Variants in CTSV observed in about 807,000 individuals in gnomAD.
CTSV encodes the protein cathepsin V, also known as cathepsin L2.
CTSV carries 33 observed loss-of-function variants against 35.6 expected under a neutral mutation model. The observed-to-expected ratio is 0.93, with a 90% CI of 0.70 to 1.24. The LOEUF is 1.24. CTSV is among the 50% of genes most tolerant of loss of function. The probability of loss-of-function intolerance (pLI) is 0.00; values close to 1 mark genes in which losing one functional copy is unlikely to be tolerated. For synonymous variants in CTSV, 154 were observed against 147.1 expected (o/e 1.05, Z -0.34); for missense variants, 408 against 413.1 (o/e 0.99, Z 0.11).
At position 97,032,907 on chromosome 9, in the gene CTSV, G is replaced by C; in HGVS notation, c.*42C>G. The C allele has an allele frequency of 6.9e-7, 1 of 1,446,122 alleles. No homozygotes were observed. Among genetic ancestry groups the C allele is most frequent in the Non-Finnish European group, 9.5e-7 (1 of 1,050,916 alleles). 89.6% of individuals were successfully genotyped at this position (1,446,122 alleles called of 1,614,324 possible). On this transcript the variant is annotated 3_prime_UTR_variant, in exon 8 of 8. Coordinates refer to ENST00000259470, the MANE Select transcript of CTSV (RefSeq NM_001333.4). ...TCAGTTTCAAGATAAAATTTCCCCA[G>C]ACATGCTGTCCTTAAGTCCTTCCTC...
chr9:97,036,801 T>C (rs1828860220), intron 4 of CTSV, 54 bp from the exon 5 acceptor site: 8 of 1,349,634 alleles, frequency 5.9e-6, no homozygotes, highest in Non-Finnish European at 8.1e-6. Flanking sequence ...ACAAATACAG[T>C]ACCCCATAAT....
intron 5 of CTSV, 148 bp downstream of exon 5, chr9:97,036,375 T>C (rs1828850348): frequency 2.8e-6 from 2 of 720,540 alleles, no homozygotes; most frequent in Non-Finnish European, 4.9e-6. Flanking sequence ...GGCCAAAGGC[T>C]AATAATTTAT....
At chr9:97,033,515 A>G (rs1828791404) in intron 7 of CTSV, among the ~76,000 whole-genome samples, 1 of 151,982 alleles carries the variant, frequency 6.6e-6, no homozygotes. Flanking sequence ...AGGCTGAGGC[A>G]GGAGAATCAT....
upstream of CTSV, chr9:97,039,405 T>A (rs1828919033): frequency 2.0e-5 from 3 of 152,332 alleles, no homozygotes. Context: ...ATCTACTGAC[T>A]ATCCCGACTT....
At chr9:97,034,867 G>A in intron 6 of CTSV, 24 bp from the exon 7 acceptor site, 1 of 1,587,216 alleles carries the variant, frequency 6.3e-7, no homozygotes, top group Non-Finnish European at 8.7e-7. Context: ...ATTAATGCTG[G>A]GGTGAGAAGC....
Position 97,037,405 on chromosome 9 carries a change from G to A in CTSV, c.250-7C>T. The stretch of plus-strand genomic sequence containing the variant: ...GCCTGAATTCTTCATTGGTCTTCAA[G>A]GAGAAGTAAATAAAATGTTAAAAGC... On this transcript the variant is annotated splice_polypyrimidine_tract_variant and splice_region_variant and intron_variant, in intron 3 of 7. Transcript: ENST00000259470. The A allele has an allele frequency of 2.5e-6, 4 of 1,613,946 alleles. No individual in the cohort carries two copies. The highest frequency in any genetic ancestry group is 3.4e-6 in the Non-Finnish European group (4 of 1,179,948).
At chr9:97,033,757 C>A (rs1302227616) in intron 7 of CTSV, among the ~76,000 whole-genome samples, 4 of 151,834 alleles carry the variant, frequency 2.6e-5, no homozygotes, top group Non-Finnish European at 5.9e-5. Flanking sequence ...GAGATTGCAC[C>A]ACTGCACTCT....
At position 97,038,030 on chromosome 9, in the gene CTSV, A is replaced by G; in HGVS notation, c.14T>C (p.Leu5Pro). ...TCCCAAGCAAAAGGCAGCCAGGACG[A>G]GCGAAAGATTCATGTTTCAAAACCT... is the stretch of plus-strand genomic sequence containing the variant. The part of the protein sequence containing the change: MNLS[L>P]VLAAFCLGIA... Residue 5 changes from leucine (L) to proline (P), a missense_variant, in exon 2 of 8, where the codon CTC (leucine) becomes CCC (proline). By Grantham distance (98) the Leu-to-Pro change is moderately conservative. Coordinates refer to ENST00000259470, the MANE Select transcript of CTSV (RefSeq NM_001333.4). 1 of 1,613,828 alleles carries G rather than the reference A, an allele frequency of 6.2e-7. No individual in the cohort carries two copies. Among genetic ancestry groups the G allele is most frequent in the Non-Finnish European group, 8.5e-7 (1 of 1,179,752 alleles).
At chr9:97,034,578 T>A (rs1828812742) in intron 7 of CTSV, 148 bp downstream of exon 7, 2 of 642,902 alleles carry the variant, frequency 3.1e-6, no homozygotes, top group African/African-American at 3.6e-5. Flanking sequence ...AAAAGCTTGG[T>A]ACGGAATCTT....
chr9:97,031,395 C>T lies in CTSV; in HGVS notation c.*1554G>A, dbSNP rs371516339. The stretch of plus-strand genomic sequence containing the variant: ...CGATTAAATTTCACCAGCTCATCCC[C>T]GGTAATTTTTTATTTGACTGGAAAC... On this transcript the variant is annotated 3_prime_UTR_variant, in exon 8 of 8. Coordinates refer to ENST00000259470, the MANE Select transcript of CTSV (RefSeq NM_001333.4). 9.2e-5 allele frequency: 14 copies of T among 152,162 alleles called. No homozygotes were observed. The highest frequency in any genetic ancestry group is 8.3e-4 in the South Asian group (4 of 4,822). 9.4% of individuals were successfully genotyped at this position (152,162 alleles called of 1,614,324 possible). A position where few individuals can be genotyped will look rare whatever the true frequency, so the allele number is the denominator to read the frequency against.
chr9:97,037,291 A>C lies in CTSV; in HGVS notation c.357T>G (p.Asp119Glu). The change falls in exon 4 of 8, where the codon GAT becomes GAG. Residue 119 changes from aspartate to glutamate, a missense_variant. Transcript: ENST00000259470. ...PLFLDLPKSV[D>E]WRKKGYVTPV... ...GCGTCACGTAGCCTTTCTTTCTCCAATCCACAGATTTGGGAAGATCAAGAA... is the reference window on the plus strand; with the variant it reads ...GCGTCACGTAGCCTTTCTTTCTCCACTCCACAGATTTGGGAAGATCAAGAA... 1 of 1,614,124 alleles carries C rather than the reference A, an allele frequency of 6.2e-7. No individual in the cohort carries two copies. Among genetic ancestry groups the C allele is most frequent in the South Asian group, 1.1e-5 (1 of 91,076 alleles).
rs1828719225 is a variant in CTSV, at chr9:97,030,281, C to T, written c.*2668G>A. ...TGTTTCCTTATTGCTAAGTCCATAG[C>T]CTCTAGTATGATGCCCAAGTGTCAT... On this transcript the variant is annotated 3_prime_UTR_variant, in exon 8 of 8. Coordinates refer to ENST00000259470, the MANE Select transcript of CTSV (RefSeq NM_001333.4). 1 of 152,252 alleles carries T rather than the reference C, an allele frequency of 6.6e-6. No individual in the cohort carries two copies. The allele number at this position is 152,252 out of a possible 1,614,324, so 9.4% of individuals were successfully genotyped here.
At position 97,030,229 on chromosome 9, in the gene CTSV, C is replaced by T. The variant is rs1171706411; in HGVS notation, c.*2720G>A. ...TCAACTTTCATAGGCAAAACATACA[C>T]ATGAACCACACATAGGGCTGAGTGG... On this transcript the variant is annotated 3_prime_UTR_variant, in exon 8 of 8. Coordinates refer to ENST00000259470, the MANE Select transcript of CTSV (RefSeq NM_001333.4). 6.6e-6 allele frequency: 1 copy of T among 152,200 alleles called. No homozygotes were observed. Among genetic ancestry groups the T allele is most frequent in the African/African-American group, 2.4e-5 (1 of 41,452 alleles). The allele number at this position is 152,200 out of a possible 1,614,324, so 9.4% of individuals were successfully genotyped here.
intron 3 of CTSV, 47 bp from the exon 4 acceptor site, chr9:97,037,445 G>T: frequency 6.2e-7 from 1 of 1,613,744 alleles, no homozygotes; most frequent in South Asian, 1.1e-5. Context: ...CTATTTTGGT[G>T]AAGAACTGAG....
In CTSV at chr9:97,029,744, T is replaced by G. The variant is rs1828709750; in HGVS notation, c.*3205A>C. ...GAGATAATGAACATTTGTGAAATTG[T>G]TTACAATTGAGATATCCATACACAC... On this transcript the variant is annotated 3_prime_UTR_variant, in exon 8 of 8. Transcript: ENST00000259470. The G allele has an allele frequency of 6.6e-6, 1 of 152,248 alleles. No individual in the cohort carries two copies. The highest frequency in any genetic ancestry group is 1.5e-5 in the Non-Finnish European group (1 of 68,050). The allele number at this position is 152,248 out of a possible 1,614,324, so 9.4% of individuals were successfully genotyped here. A position where few individuals can be genotyped will look rare whatever the true frequency, so the allele number is the denominator to read the frequency against.
rs1011274150 is a variant in CTSV, at chr9:97,031,002, T to A, written c.*1947A>T. ...ATCAGGTTTGTAACTTTTCACAAGTTTAAAATATTTCAAAGGTCTTTGAAA... is the reference window on the plus strand; with the variant it reads ...ATCAGGTTTGTAACTTTTCACAAGTATAAAATATTTCAAAGGTCTTTGAAA... On this transcript the variant is annotated 3_prime_UTR_variant, in exon 8 of 8. Transcript: ENST00000259470. 12 of 152,266 alleles carry A rather than the reference T, an allele frequency of 7.9e-5. No homozygotes were observed. The highest frequency in any genetic ancestry group is 2.9e-4 in the African/African-American group (12 of 41,474). 9.4% of individuals were successfully genotyped at this position (152,266 alleles called of 1,614,324 possible). A position where few individuals can be genotyped will look rare whatever the true frequency, so the allele number is the denominator to read the frequency against.
At position 97,037,928 on chromosome 9, in the gene CTSV, A is replaced by G. The variant is rs1828884336; in HGVS notation, c.116T>C (p.Leu39Ser). ...WYQWKATHRR[L>S]YGANEEGWRR... ...TCAGATGTTACCAACCGCGCCATAT[A>G]ATCTTCTGTGTGTTGCCTTCCACTG... Residue 39 changes from leucine to serine, a missense_variant, in exon 2 of 8, where the codon TTA (leucine) becomes TCA (serine). Transcript: ENST00000259470. 6.2e-7 allele frequency: 1 copy of G among 1,613,846 alleles called. No homozygotes were observed. The highest frequency in any genetic ancestry group is 8.5e-7 in the Non-Finnish European group (1 of 1,179,974).
At chr9:97,038,297 C>T (rs185526681) in intron 1 of CTSV, 74 of 353,278 alleles carry the variant, frequency 2.1e-4, no homozygotes, top group African/African-American at 1.1e-3. Context: ...GTGAAAGATA[C>T]CTGACGGGTG....
Position 97,032,966 on chromosome 9 carries a change from T to C in CTSV, c.988A>G (p.Ser330Gly), listed in dbSNP as rs1424859414. Residue 330 changes from serine (S) to glycine (G), a missense_variant, in exon 8 of 8, where the codon AGC becomes GGC. By Grantham distance (56) the Ser-to-Gly change is moderately conservative. Transcript: ENST00000259470. The stretch of plus-strand genomic sequence containing the variant: ...CCATCAGCTCACACATTGGGGTAGC[T>C]GGCTGCTGTGGCGATTCCACAGTGG... ...NNHCGIATAA[S>G]YPNV The C allele has an allele frequency of 6.2e-7, 1 of 1,612,504 alleles. No homozygotes were observed. Among genetic ancestry groups the C allele is most frequent in the East Asian group, 2.2e-5 (1 of 44,818 alleles).
Sources: gnomAD v4.1 joint callset for allele counts (sites outside exome capture counted in the v4.1 genomes callset) on GRCh38, gnomAD v4.1.1 for gene constraint, MANE v1.5 for transcripts, NCBI Gene and HGNC (gene_info 2026-07-23, HGNC 2026-07-21) for gene names.